The following PDLIM5 variants were observed in gnomAD, a reference collection of about 807,000 sequenced individuals.
PDLIM5 encodes PDZ and LIM domain 5.
PDLIM5 carries 34 observed loss-of-function variants against 64.2 expected under a neutral mutation model. The ratio of observed to expected loss-of-function variants is 0.53; its 90% CI spans 0.40 to 0.71. The LOEUF (loss-of-function observed/expected upper bound fraction) is 0.71. Ranked by LOEUF, PDLIM5 falls within the 30% of genes least tolerant of loss-of-function variation. The pLI, the probability that PDLIM5 is intolerant of heterozygous loss-of-function variation, is 0.00. For synonymous variants in PDLIM5, 253 were observed against 269.1 expected, an observed-to-expected ratio of 0.94 and a Z score of 0.59; for missense variants, 683 against 733.6, an observed-to-expected ratio of 0.93 and a Z score of 0.80.
At chr4:94,523,976 C>T in intron 3 of PDLIM5, 101 bp downstream of exon 3, 3 of 757,490 alleles carry the variant, frequency 4.0e-6, no homozygotes, top group Non-Finnish European at 4.4e-6. Context: ...GTTTCTGCTA[C>T]CATCATTTCA....
intron 8 of PDLIM5, among the ~76,000 whole-genome samples, chr4:94,630,514 C>T (rs1171456124): frequency 1.3e-5 from 2 of 152,048 alleles, no homozygotes; most frequent in East Asian, 3.9e-4. Flanking sequence ...GCTAGGATTA[C>T]AGGCACGCAC....
chr4:94,662,299 A>G (rs146124201), intron 11 of PDLIM5, 123 bp from the exon 12 acceptor site: 3 of 500,900 alleles, frequency 6.0e-6, no homozygotes, highest in Admixed American at 3.2e-5. Context: ...AAATTTTTCA[A>G]ATTCCTAATA....
intron 5 of PDLIM5, among the ~76,000 whole-genome samples, chr4:94,581,916 T>C (rs372153318): frequency 6.6e-6 from 1 of 152,200 alleles, no homozygotes; most frequent in East Asian, 1.9e-4. Flanking sequence ...CAGACACGCC[T>C]TCTGGGCAAT....
chr4:94,473,099 G>A (rs1272073210), intron 2 of PDLIM5, among the ~76,000 whole-genome samples: 4 of 152,118 alleles, frequency 2.6e-5, no homozygotes, highest in Admixed American at 2.6e-4. Flanking sequence ...CACAGATAAG[G>A]TGACATTTGA....
At chr4:94,514,366 C>T (rs1347535681) in intron 2 of PDLIM5, among the ~76,000 whole-genome samples, 3 of 151,914 alleles carry the variant, frequency 2.0e-5, no homozygotes, top group African/African-American at 7.3e-5. Context: ...AATCTCCTGA[C>T]CTTGTGATCT....
chr4:94,643,467 C>T (rs1741162929), intron 9 of PDLIM5, among the ~76,000 whole-genome samples: 1 of 151,018 alleles, frequency 6.6e-6, no homozygotes, highest in African/African-American at 2.5e-5. Flanking sequence ...TAGCCAAAAT[C>T]ATATTTCAGT....
chr4:94,582,870 A>T, intron 5 of PDLIM5: 1 of 606,480 alleles, frequency 1.6e-6, no homozygotes, highest in Non-Finnish European at 2.9e-6. Context: ...CATAAGAAGC[A>T]TTTTTTTTTA....
intron 2 of PDLIM5, chr4:94,457,018 A>C: frequency 1.0e-6 from 1 of 958,786 alleles, no homozygotes; most frequent in Non-Finnish European, 1.2e-6. Context: ...TTGTTTCTTT[A>C]ATCAGATATT....
intron 2 of PDLIM5, chr4:94,456,757 C>A: frequency 8.3e-7 from 1 of 1,208,722 alleles, no homozygotes; most frequent in Non-Finnish European, 1.0e-6. Context: ...AAAGGTTGTG[C>A]CAATTTACAC....
At position 94,456,355 on chromosome 4, in the gene PDLIM5, C is replaced by T. The variant is rs138105003; in HGVS notation, c.96+971C>T. ...CTGGGATTACAGGCATGTGCCACCA[C>T]GCCTGGCTAATTTTGTATTTTTAGT... On this transcript the variant is annotated intron_variant, in intron 2 of 12. Coordinates refer to ENST00000317968, the MANE Select transcript of PDLIM5 (RefSeq NM_006457.5). 3.2e-3 allele frequency: 1,932 copies of T among 609,884 alleles called. 30 individuals carry two copies. Among genetic ancestry groups the T allele is most frequent in the African/African-American group, 0.03 (1,605 of 53,670 alleles). The allele number at this position is 609,884 out of a possible 1,614,324, so 37.8% of individuals were successfully genotyped here.
chr4:94,532,186 TG>T (rs1372803209), intron 3 of PDLIM5, among the ~76,000 whole-genome samples: 4 of 152,322 alleles, frequency 2.6e-5, no homozygotes, highest in South Asian at 4.1e-4. Flanking sequence ...AACTACTACT[TG>T]AGATCATCAT....
intron 2 of PDLIM5, among the ~76,000 whole-genome samples, chr4:94,500,993 G>T (rs1727862645): frequency 6.6e-6 from 1 of 151,784 alleles, no homozygotes; most frequent in Admixed American, 6.6e-5. Flanking sequence ...TGTTGGCCAG[G>T]CTGGTCTCCA....
chr4:94,626,626 G>A (rs77961212), intron 8 of PDLIM5, among the ~76,000 whole-genome samples: 62 of 151,986 alleles, frequency 4.1e-4, no homozygotes, highest in Non-Finnish European at 7.5e-4. Flanking sequence ...TCTAAACTCC[G>A]TTTTTGAAAT....
At chr4:94,518,249 A>T (rs948645894) in intron 2 of PDLIM5, among the ~76,000 whole-genome samples, 4 of 152,160 alleles carry the variant, frequency 2.6e-5, no homozygotes, top group African/African-American at 9.7e-5. Context: ...TGAAAGCTCT[A>T]TTGGTTTGTT....
rs1742956939 is a variant in PDLIM5, at chr4:94,664,290, C to A, written c.*223C>A. ...ATTACTTTTTCCTGTATTTTATGCC[C>A]ATAAAATAAGCTTTATAAAAACCAA... On this transcript the variant is annotated 3_prime_UTR_variant, in exon 13 of 13. Coordinates refer to ENST00000317968, the MANE Select transcript of PDLIM5 (RefSeq NM_006457.5). 1.1e-6 allele frequency: 1 copy of A among 891,348 alleles called. No individual in the cohort carries two copies. The highest frequency in any genetic ancestry group is 1.4e-6 in the Non-Finnish European group (1 of 716,536). The allele number at this position is 891,348 out of a possible 1,614,324, so 55.2% of individuals were successfully genotyped here. A position where few individuals can be genotyped will look rare whatever the true frequency, so the allele number is the denominator to read the frequency against.
Position 94,472,222 on chromosome 4 carries a change from C to T in PDLIM5, c.96+16838C>T, listed in dbSNP as rs562401076. 1.2e-4 allele frequency among the ~76,000 whole-genome samples: 18 copies of T among 152,116 alleles called. No individual in the cohort carries two copies. In the South Asian group the frequency reaches 3.5e-3, roughly 30 times the overall value. On this transcript the variant is annotated intron_variant, in intron 2 of 12. Transcript: ENST00000317968. ...TTGGATTGAATTACTTATGAAGTCTCTTCTTTATAGTCAGTACATAGTAAA... is the reference window on the plus strand; with the variant it reads ...TTGGATTGAATTACTTATGAAGTCTTTTCTTTATAGTCAGTACATAGTAAA...
rs980265366 is a variant in PDLIM5, at chr4:94,451,943, C to G, written c.-95C>G. 6.6e-6 allele frequency: 1 copy of G among 152,184 alleles called. No homozygotes were observed. Among genetic ancestry groups the G allele is most frequent in the South Asian group, 2.1e-4 (1 of 4,836 alleles). 9.4% of individuals were successfully genotyped at this position (152,184 alleles called of 1,614,324 possible). On this transcript the variant is annotated 5_prime_UTR_variant, in exon 1 of 13. Coordinates refer to ENST00000317968, the MANE Select transcript of PDLIM5 (RefSeq NM_006457.5). ...GGGACGGCGCCCTCACCGCGAGTCA[C>G]TTGTCAGCCCTTGTCTGAGGCGGAG...
chr4:94,644,706 T>G (rs1233837227), intron 9 of PDLIM5, among the ~76,000 whole-genome samples: 1 of 151,932 alleles, frequency 6.6e-6, no homozygotes, highest in African/African-American at 2.4e-5. Context: ...CACGCCCAGC[T>G]AATTTTTTGT....
intron 11 of PDLIM5, among the ~76,000 whole-genome samples, chr4:94,658,114 G>C (rs532906224): frequency 1.1e-3 from 164 of 152,276 alleles, no homozygotes; most frequent in Non-Finnish European, 1.9e-3. Context: ...CCAATGATTT[G>C]TGGATATAAA....
Sources: allele counts gnomAD v4.1 joint callset (sites outside exome capture counted in the v4.1 genomes callset), GRCh38; gene constraint gnomAD v4.1.1; transcripts MANE v1.5; gene names NCBI Gene and HGNC (gene_info 2026-07-23, HGNC 2026-07-21).